TRAPPC11: variants seen among roughly 807,000 people sequenced by gnomAD.
TRAPPC11 encodes the protein foie gras homolog.
A neutral mutation model predicts 151.2 loss-of-function variants in TRAPPC11; 104 were observed. The ratio of observed to expected loss-of-function variants is 0.69; its 90% confidence interval spans 0.59 to 0.81. The LOEUF (loss-of-function observed/expected upper bound fraction) is 0.81, where lower values mean the gene tolerates loss of function less well. Ranked by LOEUF, TRAPPC11 falls within the 30% of genes least tolerant of loss-of-function variation. The probability of loss-of-function intolerance (pLI) is 0.00; values close to 1 mark genes in which losing one functional copy is unlikely to be tolerated. For missense variants in TRAPPC11, 1,230 were observed against 1,349.6 expected, an observed-to-expected ratio of 0.91 and a Z score of 1.39; for synonymous variants, 456 against 472.3, an observed-to-expected ratio of 0.97 and a Z score of 0.45.
Position 183,713,586 on chromosome 4 carries a change from T to G in TRAPPC11, c.*942T>G, listed in dbSNP as rs559744034. The G allele has an allele frequency of 2.0e-4, 31 of 152,790 alleles. No homozygotes were observed. Among genetic ancestry groups the G allele is most frequent in the African/African-American group, 6.5e-4 (27 of 41,590 alleles). The allele number at this position is 152,790 out of a possible 1,614,324, so 9.5% of individuals were successfully genotyped here. ...GTGATGTAAATAAACATGTTCTCTT[T>G]CAAGTATGCTTGTCTGTCTCTATCT... On this transcript the variant is annotated 3_prime_UTR_variant, in exon 30 of 30. Coordinates refer to ENST00000334690, the MANE Select transcript of TRAPPC11 (RefSeq NM_021942.6).
intron 23 of TRAPPC11, among the ~76,000 whole-genome samples, chr4:183,695,620 C>T (rs1043352653): frequency 6.6e-6 from 1 of 152,060 alleles, no homozygotes; most frequent in Non-Finnish European, 1.5e-5. Context: ...TATTTGGTAT[C>T]TTCTTGGTCC....
Position 183,679,337 on chromosome 4 carries a change from A to G in TRAPPC11, c.832-16A>G, listed in dbSNP as rs1194645106. ...CTTTTTTTCCTTTATTTTGGGATCAATTTTACATTTTGCAGATCTGTAGGC... is the reference window on the plus strand; with the variant it reads ...CTTTTTTTCCTTTATTTTGGGATCAGTTTTACATTTTGCAGATCTGTAGGC... On this transcript the variant is annotated splice_polypyrimidine_tract_variant and intron_variant, in intron 8 of 29. Transcript: ENST00000334690. 1.2e-5 allele frequency: 18 copies of G among 1,554,344 alleles called. No individual in the cohort carries two copies. Among genetic ancestry groups the G allele is most frequent in the East Asian group, 2.3e-5 (1 of 43,188 alleles).
chr4:183,662,452 T>A lies in TRAPPC11; in HGVS notation c.-21-1395T>A, dbSNP rs1193535450. ...ACAGTCTTGTTCGGGATAAACATAG[T>A]TTTATATACTTATAAAGTCAGGGCA... On this transcript the variant is annotated intron_variant, in intron 1 of 29. Coordinates refer to ENST00000334690, the MANE Select transcript of TRAPPC11 (RefSeq NM_021942.6). Among the ~76,000 whole-genome samples the A allele has an allele frequency of 2.9e-4, 44 of 152,004 alleles. 1 individual carries two copies. The highest frequency in any genetic ancestry group is 6.2e-4 in the Non-Finnish European group (42 of 68,004).
At chr4:183,666,828 C>A in intron 3 of TRAPPC11, 1 of 470,462 alleles carries the variant, frequency 2.1e-6, no homozygotes, top group Non-Finnish European at 3.8e-6. Context: ...ATACATTAAT[C>A]TTTTGCTTTT....
At chr4:183,688,048 C>T (rs1282682249) in intron 18 of TRAPPC11, among the ~76,000 whole-genome samples, 3 of 151,984 alleles carry the variant, frequency 2.0e-5, no homozygotes, top group African/African-American at 7.3e-5. Flanking sequence ...TTTTGATTAC[C>T]CAGAAAGTAT....
chr4:183,671,720 G>A (rs923970587), intron 5 of TRAPPC11, among the ~76,000 whole-genome samples: 7 of 152,152 alleles, frequency 4.6e-5, no homozygotes, highest in East Asian at 1.9e-4. Flanking sequence ...ATCGGTGCTC[G>A]TTTTTCAAAG....
intron 26 of TRAPPC11, among the ~76,000 whole-genome samples, chr4:183,702,537 A>G (rs904833541): frequency 2.0e-5 from 3 of 152,206 alleles, no homozygotes; most frequent in Non-Finnish European, 2.9e-5. Context: ...AAAGCAAGCT[A>G]CTGATGAGAA....
At chr4:183,662,336 C>G (rs1734594712) in intron 1 of TRAPPC11, among the ~76,000 whole-genome samples, 1 of 122,438 alleles carries the variant, frequency 8.2e-6, no homozygotes. Context: ...AGCCTGGTGA[C>G]AGAGTGATAC....
chr4:183,686,530 T>C lies in TRAPPC11; in HGVS notation c.1763-88T>C, dbSNP rs1735976738. Reference sequence around the variant, plus strand: ...TAAGAATGGTCAGTGCAGATGTGTCTTTCTGAAGAATCAATTTGGTTAACA... The same window carrying C: ...TAAGAATGGTCAGTGCAGATGTGTCCTTCTGAAGAATCAATTTGGTTAACA... On this transcript the variant is annotated intron_variant, in intron 17 of 29. Coordinates refer to ENST00000334690, the MANE Select transcript of TRAPPC11 (RefSeq NM_021942.6). The C allele has an allele frequency of 6.0e-6, 9 of 1,503,784 alleles. No homozygotes were observed. In the South Asian group the frequency reaches 1.1e-4, roughly 19 times the overall value. 93.2% of individuals were successfully genotyped at this position (1,503,784 alleles called of 1,614,324 possible).
intron 11 of TRAPPC11, among the ~76,000 whole-genome samples, chr4:183,683,413 C>T (rs1242407139): frequency 5.3e-5 from 8 of 151,998 alleles, no homozygotes; most frequent in Admixed American, 4.6e-4. Flanking sequence ...GTAATCCCAG[C>T]GCTTTGGGAG....
chr4:183,663,759 AC>A, intron 1 of TRAPPC11, 87 bp from the exon 2 acceptor site: 1 of 212,938 alleles, frequency 4.7e-6, no homozygotes, highest in Non-Finnish European at 8.9e-6. Context: ...TTTTTTTGAG[AC>A]AGAGTTTTGC....
At chr4:183,699,756 C>T (rs1465902477) in intron 25 of TRAPPC11, among the ~76,000 whole-genome samples, 1 of 152,148 alleles carries the variant, frequency 6.6e-6, no homozygotes, top group African/African-American at 2.4e-5. Flanking sequence ...TGCACTCCTC[C>T]TCATGTGGCT....
In TRAPPC11 at chr4:183,680,219, C is replaced by A; in HGVS notation, c.1065C>A (p.Tyr355Ter). ...NPGFYYQQAA[Y>*]YAQERKQLAK... is the part of the protein sequence containing the mutation. ...GTTTCTATTACCAGCAGGCAGCATA[C>A]TATGCCCAGGAGCGGAAACAGCTTG... Residue 355 changes from tyrosine to a stop codon, truncating the protein, a stop_gained, in exon 10 of 30, where the codon TAC (tyrosine) becomes TAA (stop). Coordinates refer to ENST00000334690, the MANE Select transcript of TRAPPC11 (RefSeq NM_021942.6). LOFTEE classifies it high-confidence loss of function. The A allele has an allele frequency of 6.2e-7, 1 of 1,614,062 alleles. No individual in the cohort carries two copies. The highest frequency in any genetic ancestry group is 8.5e-7 in the Non-Finnish European group (1 of 1,179,980).
At chr4:183,702,706 C>T (rs1736861038) in intron 26 of TRAPPC11, among the ~76,000 whole-genome samples, 2 of 152,120 alleles carry the variant, frequency 1.3e-5, no homozygotes, top group South Asian at 4.1e-4. Context: ...AGGAAGGGCT[C>T]TGCAGGAAGA....
At chr4:183,681,457 C>T (rs1735684740) in intron 10 of TRAPPC11, among the ~76,000 whole-genome samples, 1 of 152,114 alleles carries the variant, frequency 6.6e-6, no homozygotes, top group African/African-American at 2.4e-5. Context: ...ATGTAAGGAA[C>T]TGGGCATTAA....
At chr4:183,711,790 T>C (rs1737353014) in intron 29 of TRAPPC11, among the ~76,000 whole-genome samples, 1 of 152,240 alleles carries the variant, frequency 6.6e-6, no homozygotes, top group African/African-American at 2.4e-5. Context: ...CTGTTTCATT[T>C]CCTGATCATC....
chr4:183,671,354 G>A (rs1360774984), intron 5 of TRAPPC11, among the ~76,000 whole-genome samples: 3 of 152,110 alleles, frequency 2.0e-5, no homozygotes, highest in Non-Finnish European at 4.4e-5. Flanking sequence ...GGCTGGGCGG[G>A]ACAGTATTGA....
intron 2 of TRAPPC11, among the ~76,000 whole-genome samples, chr4:183,665,337 G>A (rs1441583569): frequency 3.3e-5 from 5 of 151,980 alleles, no homozygotes; most frequent in East Asian, 1.9e-4. Context: ...CTCGTGATCT[G>A]CCCACCTTGG....
rs1187783774 is a variant in TRAPPC11 at position 183,675,205 on chromosome 4, T to C, written c.702T>C (p.Ser234=). The change falls in exon 7 of 30, where the codon AGT becomes AGC. Residue 234 remains serine, a synonymous_variant. Coordinates refer to ENST00000334690, the MANE Select transcript of TRAPPC11 (RefSeq NM_021942.6). ...ATCAGTTCAAAATAGCTTTCTTCAGTGAGTTGAAACAAGATACACAAAATG... is the reference window on the plus strand; with the variant it reads ...ATCAGTTCAAAATAGCTTTCTTCAGCGAGTTGAAACAAGATACACAAAATG... ...VRHQFKIAFF[S]ELKQDTQNAL... 2.6e-6 allele frequency: 4 copies of C among 1,546,928 alleles called. No homozygotes were observed. Among genetic ancestry groups the C allele is most frequent in the Non-Finnish European group, 3.5e-6 (4 of 1,146,652 alleles).
Sources: gnomAD v4.1 joint callset for allele counts (sites outside exome capture counted in the v4.1 genomes callset) on GRCh38, gnomAD v4.1.1 for gene constraint, MANE v1.5 for transcripts, NCBI Gene and HGNC (gene_info 2026-07-23, HGNC 2026-07-21) for gene names.